Variants in SAMD4A observed in about 807,000 individuals in gnomAD.
SAMD4A encodes protein Smaug homolog 1.
In SAMD4A, 33 loss-of-function variants were observed where a neutral mutation model predicts 81.3. That is an observed-to-expected ratio of 0.41 (90% CI 0.31 to 0.54). SAMD4A has a LOEUF of 0.54. Ranked by LOEUF, SAMD4A falls within the 20% of genes least tolerant of loss-of-function variation. The probability of loss-of-function intolerance (pLI) is 0.37; values close to 1 mark genes in which losing one functional copy is unlikely to be tolerated. For missense variants in SAMD4A, 854 were observed against 951.1 expected (o/e 0.90, Z 1.34); for synonymous variants, 389 against 382.1 (o/e 1.02, Z -0.21).
intron 2 of SAMD4A, chr14:54,693,129 G>C (rs1013103528): frequency 2.1e-5 from 3 of 140,180 alleles, no homozygotes; most frequent in African/African-American, 6.6e-5. Flanking sequence ...TATTGAAAAG[G>C]GGGGGGTAGT....
chr14:54,741,439 G>A (rs2140943131), intron 4 of SAMD4A, among the ~76,000 whole-genome samples: 1 of 152,326 alleles, frequency 6.6e-6, no homozygotes, highest in South Asian at 2.1e-4. Flanking sequence ...TATATGGGAG[G>A]AAAGAGCAGG....
At chr14:54,763,336 C>A (rs1422131529) in intron 7 of SAMD4A, among the ~76,000 whole-genome samples, 5 of 151,744 alleles carry the variant, frequency 3.3e-5, no homozygotes, top group Admixed American at 3.3e-4. Flanking sequence ...CATAGTGAGA[C>A]CCTGTCTCTC....
Position 54,737,422 on chromosome 14 carries a change from C to T in SAMD4A, c.979+135C>T, listed in dbSNP as rs1035635280. ...CCAGGCTTACGCATTTGATCTGTCC[C>T]TTCCAGAACTCCAGGTTGACCATGG... On this transcript the variant is annotated intron_variant, in intron 4 of 12. Coordinates refer to ENST00000554335, the MANE Select transcript of SAMD4A (RefSeq NM_015589.6). 32 of 1,023,652 alleles carry T rather than the reference C, an allele frequency of 3.1e-5. No homozygotes were observed. The African/African-American group carries it at 5.0e-4, about 16-fold the overall frequency. The allele number at this position is 1,023,652 out of a possible 1,614,324, so 63.4% of individuals were successfully genotyped here.
chr14:54,669,670 C>G (rs895278654), intron 2 of SAMD4A, among the ~76,000 whole-genome samples: 4 of 151,938 alleles, frequency 2.6e-5, no homozygotes, highest in Admixed American at 1.3e-4. Context: ...TTTAACTAGG[C>G]CCCCACTAGG....
At chr14:54,631,982 T>C (rs1454474367) in intron 2 of SAMD4A, among the ~76,000 whole-genome samples, 1 of 152,208 alleles carries the variant, frequency 6.6e-6, no homozygotes, top group Non-Finnish European at 1.5e-5. Context: ...ATACACCAGG[T>C]AGGGTGCTAA....
At chr14:54,609,640 A>G (rs140178760) in intron 2 of SAMD4A, among the ~76,000 whole-genome samples, 1 of 152,346 alleles carries the variant, frequency 6.6e-6, no homozygotes, top group East Asian at 1.9e-4. Flanking sequence ...ATTTAACAAG[A>G]CAAGTTTGAA....
chr14:54,718,205 C>T (rs1021629995), intron 3 of SAMD4A, among the ~76,000 whole-genome samples: 3 of 152,204 alleles, frequency 2.0e-5, no homozygotes, highest in Non-Finnish European at 2.9e-5. Flanking sequence ...TGCATGTCTG[C>T]GTGTGAGCTG....
chr14:54,569,931 C>G (rs1402271713), intron 2 of SAMD4A, among the ~76,000 whole-genome samples: 1 of 152,000 alleles, frequency 6.6e-6, no homozygotes, highest in African/African-American at 2.4e-5. Context: ...AATAAGGTGG[C>G]CTAATTTTAA....
intron 5 of SAMD4A, among the ~76,000 whole-genome samples, 188 bp from the exon 6 acceptor site, chr14:54,751,263 T>A (rs1170317833): frequency 6.6e-6 from 1 of 152,014 alleles, no homozygotes; most frequent in Non-Finnish European, 1.5e-5. Context: ...TCTCAAAAAA[T>A]AATAATAATA....
rs760251246 is a variant in SAMD4A, at chr14:54,760,277, G to T, written c.1293G>T (p.Glu431Asp). ...PSTTPEARRR[E>D]PQAPRQPSLM... is the part of the protein sequence containing the mutation. ...CCACCCCCGAGGCTCGCCGCCGGGA[G>T]CCCCAGGCCCCGCGTCAGCCCTCAC... is the stretch of plus-strand genomic sequence containing the variant. Residue 431 changes from glutamate (E) to aspartate (D), a missense_variant, in exon 7 of 13, where the codon GAG becomes GAT. By Grantham distance (45) the Glu-to-Asp change is conservative. Coordinates refer to ENST00000554335, the MANE Select transcript of SAMD4A (RefSeq NM_015589.6). 1 of 1,612,202 alleles carries T rather than the reference G, an allele frequency of 6.2e-7. No homozygotes were observed. Among genetic ancestry groups the T allele is most frequent in the Non-Finnish European group, 8.5e-7 (1 of 1,179,764 alleles).
chr14:54,568,285 C>A (rs1057024582), intron 2 of SAMD4A, among the ~76,000 whole-genome samples, 173 bp downstream of exon 2: 1 of 151,372 alleles, frequency 6.6e-6, no homozygotes, highest in Non-Finnish European at 1.5e-5. Context: ...CCCACTACCG[C>A]CCCCCACCTA....
At chr14:54,734,559 G>T (rs1487755352) in intron 3 of SAMD4A, among the ~76,000 whole-genome samples, 1 of 152,206 alleles carries the variant, frequency 6.6e-6, no homozygotes, top group Admixed American at 6.5e-5. Flanking sequence ...ATGAAGAAAT[G>T]GGTGTGGGTT....
chr14:54,738,139 T>C (rs754687139), intron 4 of SAMD4A, among the ~76,000 whole-genome samples: 1 of 152,216 alleles, frequency 6.6e-6, no homozygotes, highest in Non-Finnish European at 1.5e-5. Context: ...CACTCATGCT[T>C]TGGGGACTAG....
intron 2 of SAMD4A, among the ~76,000 whole-genome samples, chr14:54,586,641 T>C (rs1375964052): frequency 6.6e-6 from 1 of 152,116 alleles, no homozygotes; most frequent in Non-Finnish European, 1.5e-5. Flanking sequence ...TTTTTCTACA[T>C]GTGGCTTGCC....
intron 3 of SAMD4A, among the ~76,000 whole-genome samples, chr14:54,709,109 T>A (rs2036926717): frequency 6.6e-6 from 1 of 151,922 alleles, no homozygotes; most frequent in African/African-American, 2.4e-5. Flanking sequence ...AAACCACATC[T>A]CTATAAAAAA....
At chr14:54,765,516 G>C (rs561822134) in intron 8 of SAMD4A, among the ~76,000 whole-genome samples, 1 of 150,564 alleles carries the variant, frequency 6.6e-6, no homozygotes, top group Non-Finnish European at 1.5e-5. Context: ...CCAGCTACTC[G>C]GGAGGCCAAG....
chr14:54,677,879 A>G (rs1400113770), intron 2 of SAMD4A, among the ~76,000 whole-genome samples: 1 of 152,206 alleles, frequency 6.6e-6, no homozygotes, highest in Non-Finnish European at 1.5e-5. Flanking sequence ...TTACACTAGT[A>G]TCTGAATCCT....
intron 2 of SAMD4A, among the ~76,000 whole-genome samples, chr14:54,632,711 C>G (rs1199900760): frequency 6.6e-6 from 1 of 152,196 alleles, no homozygotes; most frequent in Non-Finnish European, 1.5e-5. Context: ...GCATAGAGAC[C>G]AAGAACCTGT....
At chr14:54,688,125 C>G (rs2036326550) in intron 2 of SAMD4A, 1 of 985,382 alleles carries the variant, frequency 1.0e-6, no homozygotes, top group South Asian at 4.7e-5. Flanking sequence ...GTAATGTGCT[C>G]AGCTCCGTAT....
Sources: allele counts gnomAD v4.1 joint callset (sites outside exome capture counted in the v4.1 genomes callset), GRCh38; gene constraint gnomAD v4.1.1; transcripts MANE v1.5; gene names NCBI Gene and HGNC (gene_info 2026-07-23, HGNC 2026-07-21).